ARHGAP17: variants seen among roughly 807,000 people sequenced by gnomAD.
ARHGAP17 encodes rho GTPase-activating protein 17.
A neutral mutation model predicts 99.5 loss-of-function variants in ARHGAP17; 57 were observed. That is an observed-to-expected ratio of 0.57 (90% CI 0.46 to 0.71). The LOEUF is 0.71. Ranked by LOEUF, ARHGAP17 falls within the 30% of genes least tolerant of loss-of-function variation. ARHGAP17 has a pLI of 0.00. For synonymous variants in ARHGAP17, 417 were observed against 429.6 expected (o/e 0.97, Z 0.36); for missense variants, 1,000 against 1,122.4 (o/e 0.89, Z 1.56).
At chr16:24,995,125 A>G (rs2053156750) in intron 1 of ARHGAP17, among the ~76,000 whole-genome samples, 1 of 152,230 alleles carries the variant, frequency 6.6e-6, no homozygotes, top group African/African-American at 2.4e-5. Context: ...CTAGAACAGC[A>G]TAAGGGTAAT....
chr16:25,006,049 T>C (rs1189130421), intron 1 of ARHGAP17, among the ~76,000 whole-genome samples: 1 of 152,118 alleles, frequency 6.6e-6, no homozygotes, highest in Non-Finnish European at 1.5e-5. Context: ...ATTAAAATGG[T>C]GACCGACCAT....
intron 6 of ARHGAP17, among the ~76,000 whole-genome samples, chr16:24,964,954 T>C (rs1051428556): frequency 6.0e-5 from 9 of 150,572 alleles, no homozygotes; most frequent in African/African-American, 2.2e-4. Context: ...CAAACAACAA[T>C]AACAATAATA....
chr16:24,959,472 C>T (rs1363875948), intron 9 of ARHGAP17, among the ~76,000 whole-genome samples, 199 bp downstream of exon 9: 1 of 152,144 alleles, frequency 6.6e-6, no homozygotes, highest in Non-Finnish European at 1.5e-5. Flanking sequence ...TACAAATGTT[C>T]CATTAGTGTG....
At chr16:25,008,963 G>GGAC (rs148021673) in intron 1 of ARHGAP17, among the ~76,000 whole-genome samples, 3,491 of 152,270 alleles carry the variant, frequency 0.023, 111 homozygotes, top group African/African-American at 0.077. Context: ...AACGACAAGA[G>GGAC]GACCTCTTTC....
chr16:24,924,721 A>T (rs761228078), intron 19 of ARHGAP17, among the ~76,000 whole-genome samples: 1 of 151,920 alleles, frequency 6.6e-6, no homozygotes, highest in Non-Finnish European at 1.5e-5. Context: ...AAATTAGCCG[A>T]GCACGGTAGT....
chr16:24,932,755 A>T (rs1371109974), intron 18 of ARHGAP17, among the ~76,000 whole-genome samples: 1 of 151,982 alleles, frequency 6.6e-6, no homozygotes, highest in Non-Finnish European at 1.5e-5. Flanking sequence ...GGGACTGATG[A>T]GGGCAGGAGG....
intron 18 of ARHGAP17, among the ~76,000 whole-genome samples, chr16:24,932,829 A>G (rs935551226): frequency 3.3e-5 from 5 of 152,046 alleles, no homozygotes; most frequent in African/African-American, 1.2e-4. Flanking sequence ...GAGAGATTTT[A>G]GCCTTTTTCA....
chr16:24,949,305 T>C, intron 13 of ARHGAP17, 99 bp downstream of exon 13: 1 of 875,182 alleles, frequency 1.1e-6, no homozygotes, highest in South Asian at 1.8e-5. Flanking sequence ...TTGTTGTTGT[T>C]GTTTTTTAAT....
intron 19 of ARHGAP17, among the ~76,000 whole-genome samples, chr16:24,928,427 G>A (rs936188483): frequency 4.6e-5 from 7 of 152,198 alleles, no homozygotes; most frequent in African/African-American, 1.7e-4. Flanking sequence ...GTATATTACA[G>A]TGTTGTAGCA....
At position 24,939,525 on chromosome 16, in the gene ARHGAP17, G is replaced by A. The variant is rs777611347; in HGVS notation, c.1563C>T (p.Pro521=). ...GGTLNRKHIS[P]AFQPPLPPTD... Reference sequence around the variant, plus strand: ...TGGGCGGAAGTGGCGGCTGGAAAGCGGGGGATATGTGCTTTCTATTTAGAG... The same window carrying A: ...TGGGCGGAAGTGGCGGCTGGAAAGCAGGGGATATGTGCTTTCTATTTAGAG... Residue 521 remains proline, a synonymous_variant, in exon 17 of 20, where the codon CCC becomes CCT. Transcript: ENST00000289968. The A allele has an allele frequency of 1.7e-5, 28 of 1,609,164 alleles. No individual in the cohort carries two copies. The highest frequency in any genetic ancestry group is 7.8e-5 in the South Asian group (7 of 89,886).
Position 24,934,072 on chromosome 16 carries a change from C to T in ARHGAP17, c.1894+1398G>A, listed in dbSNP as rs180737227. Among the ~76,000 whole-genome samples the T allele has an allele frequency of 6.6e-3, 1,005 of 152,282 alleles. 7 individuals carry two copies. Among genetic ancestry groups the T allele is most frequent in the Non-Finnish European group, 0.011 (735 of 68,028 alleles). On this transcript the variant is annotated intron_variant, in intron 18 of 19. Transcript: ENST00000289968. Reference sequence around the variant, plus strand: ...AAGCAGTGGACTCGGATTTGCCTCCCTGCCTATGATTTGTAGAAATTCCAC... The same window carrying T: ...AAGCAGTGGACTCGGATTTGCCTCCTTGCCTATGATTTGTAGAAATTCCAC...
intron 1 of ARHGAP17, among the ~76,000 whole-genome samples, chr16:24,992,940 C>T (rs895932724): frequency 6.6e-6 from 1 of 152,320 alleles, no homozygotes; most frequent in South Asian, 2.1e-4. Flanking sequence ...GCTGAGACTA[C>T]AGGCATACAC....
At chr16:24,923,725 TTTAA>T (rs2050771845) in intron 19 of ARHGAP17, among the ~76,000 whole-genome samples, 5 of 83,670 alleles carry the variant, frequency 6.0e-5, no homozygotes, top group African/African-American at 3.5e-4. Context: ...CTCTCTTTTT[TTTAA>T]AAAAAAAAAA....
intron 1 of ARHGAP17, among the ~76,000 whole-genome samples, chr16:24,986,960 C>T (rs1219359320): frequency 1.3e-5 from 2 of 152,208 alleles, no homozygotes; most frequent in East Asian, 3.8e-4. Context: ...AAGTTATGTC[C>T]CTCCTGCACC....
intron 1 of ARHGAP17, among the ~76,000 whole-genome samples, chr16:24,983,681 G>T (rs1243929195): frequency 6.6e-6 from 1 of 152,052 alleles, no homozygotes; most frequent in African/African-American, 2.4e-5. Context: ...AGCCTTCTTT[G>T]TGTCCAACGT....
intron 17 of ARHGAP17, among the ~76,000 whole-genome samples, chr16:24,938,850 C>T (rs1048908862): frequency 6.6e-6 from 1 of 151,778 alleles, no homozygotes; most frequent in African/African-American, 2.4e-5. Context: ...AACTGCCCTA[C>T]AAGACTGAAA....
chr16:24,941,699 CT>C, intron 16 of ARHGAP17: 1 of 398,090 alleles, frequency 2.5e-6, no homozygotes, highest in East Asian at 5.6e-5. Context: ...ATCTGGGTCA[CT>C]TTTAACATGT....
chr16:24,943,715 T>C, intron 15 of ARHGAP17, 56 bp downstream of exon 15: 1 of 1,504,104 alleles, frequency 6.6e-7, no homozygotes, highest in Non-Finnish European at 9.2e-7. Context: ...TTAAGAAGAC[T>C]TTTTGTACGA....
rs865791971 is a variant in ARHGAP17 at position 24,922,800 on chromosome 16, C to T, written c.2516-2540G>A. Among the ~76,000 whole-genome samples, 9 of 152,054 alleles carry T rather than the reference C, an allele frequency of 5.9e-5. No individual in the cohort carries two copies. The South Asian group carries it at 6.2e-4, about 11-fold the overall frequency. On this transcript the variant is annotated intron_variant, in intron 19 of 19. Transcript: ENST00000289968. ...AACTGATCCTCCCACCTCAGCCTCC[C>T]GAGTAGCTAGGACTACAAGCATACG... is the stretch of plus-strand genomic sequence containing the variant.
Sources: gnomAD v4.1 joint callset for allele counts (sites outside exome capture counted in the v4.1 genomes callset) on GRCh38, gnomAD v4.1.1 for gene constraint, MANE v1.5 for transcripts, NCBI Gene and HGNC (gene_info 2026-07-23, HGNC 2026-07-21) for gene names.